The following TLN2 variants were observed in gnomAD, a reference collection of about 807,000 sequenced individuals.
TLN2 encodes talin-2.
Under a neutral mutation model 294.7 loss-of-function variants are expected in TLN2, and 118 were observed. That is an observed-to-expected ratio of 0.40 (90% CI 0.34 to 0.47). The LOEUF (loss-of-function observed/expected upper bound fraction) is 0.47, where lower values mean the gene tolerates loss of function less well. TLN2 is among the 20% of genes least tolerant of loss of function. The probability of loss-of-function intolerance (pLI) is 0.84; values close to 1 mark genes in which losing one functional copy is unlikely to be tolerated. For synonymous variants in TLN2, 1,431 were observed against 1,304.5 expected, an observed-to-expected ratio of 1.10 and a Z score of -2.09; for missense variants, 3,083 against 3,282.2, an observed-to-expected ratio of 0.94 and a Z score of 1.48.
At chr15:62,582,789 C>T (rs537209653) in intron 1 of TLN2, among the ~76,000 whole-genome samples, 30 of 152,214 alleles carry the variant, frequency 2.0e-4, no homozygotes, top group African/African-American at 7.0e-4. Flanking sequence ...CCTGATTTAA[C>T]CTGTTGGAGG....
At chr15:62,611,296 C>A (rs2047893765) in intron 2 of TLN2, among the ~76,000 whole-genome samples, 1 of 152,180 alleles carries the variant, frequency 6.6e-6, no homozygotes, top group East Asian at 1.9e-4. Context: ...ATGGCAGTAC[C>A]ATGCCATTTG....
chr15:62,739,536 C>T lies in TLN2; in HGVS notation c.3876C>T (p.Gly1292=). 1.9e-6 allele frequency: 3 copies of T among 1,614,118 alleles called. No individual in the cohort carries two copies. The highest frequency in any genetic ancestry group is 2.5e-6 in the Non-Finnish European group (3 of 1,180,000). ...EFLDAGIEMA[G]QAQTKEDQIQ... Reference sequence around the variant, plus strand: ...TCGATGCTGGCATTGAGATGGCTGGCCAAGCTCAGGTGGGTGTGGAGGTGG... The same window carrying T: ...TCGATGCTGGCATTGAGATGGCTGGTCAAGCTCAGGTGGGTGTGGAGGTGG... Residue 1292 remains glycine, a synonymous_variant, in exon 31 of 59, where the codon GGC becomes GGT. Transcript: ENST00000636159.
chr15:62,635,757 G>A (rs1240168870), intron 3 of TLN2, among the ~76,000 whole-genome samples: 1 of 152,110 alleles, frequency 6.6e-6, no homozygotes, highest in East Asian at 1.9e-4. Context: ...TAGGTAAAGT[G>A]CTTAGTTCAG....
At chr15:62,661,633 G>T (rs1484677728) in intron 9 of TLN2, among the ~76,000 whole-genome samples, 4 of 152,156 alleles carry the variant, frequency 2.6e-5, no homozygotes, top group Non-Finnish European at 5.9e-5. Context: ...ATGAAATGCA[G>T]CAATTAATAA....
At chr15:62,560,621 T>C (rs2042879194) in intron 1 of TLN2, among the ~76,000 whole-genome samples, 1 of 152,240 alleles carries the variant, frequency 6.6e-6, no homozygotes, top group Non-Finnish European at 1.5e-5. Flanking sequence ...CCATCATGCC[T>C]GGCCAATACC....
chr15:62,521,661 A>G (rs1339307282), intron 1 of TLN2, among the ~76,000 whole-genome samples: 1 of 152,036 alleles, frequency 6.6e-6, no homozygotes, highest in African/African-American at 2.4e-5. Context: ...TCAGAGAGAG[A>G]TGGTAAAGAT....
At chr15:62,540,952 G>T (rs371238122) in intron 1 of TLN2, among the ~76,000 whole-genome samples, 166 of 152,262 alleles carry the variant, frequency 1.1e-3, no homozygotes, top group East Asian at 1.2e-3. Flanking sequence ...TTCCACTGAG[G>T]TTTGCTCTGG....
At chr15:62,746,118 A>G (rs2061594495) in intron 32 of TLN2, among the ~76,000 whole-genome samples, 1 of 152,034 alleles carries the variant, frequency 6.6e-6, no homozygotes, top group Admixed American at 6.6e-5. Flanking sequence ...ATAAACACTT[A>G]GTTTTCAATG....
chr15:62,573,870 T>A (rs530574658), intron 1 of TLN2, among the ~76,000 whole-genome samples: 1 of 151,974 alleles, frequency 6.6e-6, no homozygotes, highest in Non-Finnish European at 1.5e-5. Flanking sequence ...CACAGTGGCT[T>A]AGTGGGGAAA....
intron 1 of TLN2, among the ~76,000 whole-genome samples, chr15:62,421,457 C>G (rs1298872071): frequency 6.6e-6 from 1 of 152,072 alleles, no homozygotes; most frequent in African/African-American, 2.4e-5. Flanking sequence ...GTATAAGGAA[C>G]TTAAAATGAG....
chr15:62,564,796 A>T (rs1465870418), intron 1 of TLN2, among the ~76,000 whole-genome samples: 2 of 151,490 alleles, frequency 1.3e-5, no homozygotes, highest in Non-Finnish European at 2.9e-5. Flanking sequence ...ACTTCCAGCT[A>T]CTGGGGAAGC....
chr15:62,489,065 G>A (rs1419550690), intron 1 of TLN2, among the ~76,000 whole-genome samples: 1 of 152,200 alleles, frequency 6.6e-6, no homozygotes, highest in African/African-American at 2.4e-5. Context: ...GGAGGCTGAG[G>A]CAGGAGAATC....
intron 1 of TLN2, among the ~76,000 whole-genome samples, chr15:62,502,988 G>A (rs555870365): frequency 2.0e-5 from 3 of 152,198 alleles, no homozygotes; most frequent in East Asian, 1.9e-4. Flanking sequence ...CGTTTGCTGC[G>A]TTTTCAAATA....
chr15:62,637,235 C>T (rs573370574), intron 3 of TLN2: 1 of 152,254 alleles, frequency 6.6e-6, no homozygotes, highest in South Asian at 2.1e-4. Flanking sequence ...TGACCTTTTA[C>T]ATTTCTATTG....
At chr15:62,750,705 C>T (rs933109196) in intron 34 of TLN2, among the ~76,000 whole-genome samples, 2 of 152,144 alleles carry the variant, frequency 1.3e-5, no homozygotes, top group African/African-American at 2.4e-5. Context: ...AGATTGCCTA[C>T]CCCCAAGTTT....
At chr15:62,765,872 C>G (rs577797260) in intron 40 of TLN2, among the ~76,000 whole-genome samples, 2 of 152,298 alleles carry the variant, frequency 1.3e-5, no homozygotes, top group Admixed American at 1.3e-4. Flanking sequence ...TTTCAAGGAG[C>G]TAATCTCATT....
intron 50 of TLN2, among the ~76,000 whole-genome samples, chr15:62,802,261 G>A (rs1567638829): frequency 6.6e-6 from 1 of 151,996 alleles, no homozygotes; most frequent in Non-Finnish European, 1.5e-5. Flanking sequence ...ATGACCTCTA[G>A]TTCCATCCAT....
chr15:62,822,927 A>G (rs1456838172), intron 54 of TLN2, among the ~76,000 whole-genome samples: 4 of 152,232 alleles, frequency 2.6e-5, no homozygotes, highest in African/African-American at 4.8e-5. Flanking sequence ...ATTTTATAAA[A>G]CAAAGGTTTA....
chr15:62,781,322 C>T (rs2141081144), intron 44 of TLN2, 81 bp downstream of exon 44: 1 of 1,114,490 alleles, frequency 9.0e-7, no homozygotes, highest in East Asian at 2.4e-5. Flanking sequence ...AATCCCAGAT[C>T]TGTGTCAGAG....
Sources: allele counts gnomAD v4.1 joint callset (sites outside exome capture counted in the v4.1 genomes callset), GRCh38; gene constraint gnomAD v4.1.1; transcripts MANE v1.5; gene names NCBI Gene and HGNC (gene_info 2026-07-23, HGNC 2026-07-21).